Variants in GALNTL6 observed in about 807,000 individuals in gnomAD.
The protein encoded by GALNTL6 is polypeptide N-acetylgalactosaminyltransferase like 6.
Under a neutral mutation model 73.7 loss-of-function variants are expected in GALNTL6, and 46 were observed. The observed-to-expected ratio is 0.62, with a 90% CI of 0.49 to 0.80. The LOEUF (loss-of-function observed/expected upper bound fraction) is 0.80, where lower values mean the gene tolerates loss of function less well. Among genes scored for constraint, GALNTL6 ranks in the 30% least tolerant of loss-of-function variants. The pLI, the probability that GALNTL6 is intolerant of heterozygous loss-of-function variation, is 0.00. For missense variants in GALNTL6, 604 were observed against 755.0 expected (o/e 0.80, Z 2.34); for synonymous variants, 259 against 263.7 (o/e 0.98, Z 0.17).
intron 5 of GALNTL6, among the ~76,000 whole-genome samples, chr4:172,618,310 A>G (rs1275689232): frequency 6.6e-6 from 1 of 152,126 alleles, no homozygotes; most frequent in African/African-American, 2.4e-5. Context: ...CTGCCATAAT[A>G]TGATAGGTAA....
intron 11 of GALNTL6, among the ~76,000 whole-genome samples, chr4:173,020,967 G>A (rs1351542798): frequency 6.6e-6 from 1 of 152,174 alleles, no homozygotes; most frequent in African/African-American, 2.4e-5. Flanking sequence ...CAGCTACTCG[G>A]GAGGCTGAGG....
intron 11 of GALNTL6, among the ~76,000 whole-genome samples, chr4:173,009,565 C>T (rs1205209333): frequency 2.6e-5 from 4 of 152,186 alleles, no homozygotes; most frequent in East Asian, 3.8e-4. Flanking sequence ...ATGTGGATTG[C>T]GACCCTAGTC....
intron 2 of GALNTL6, among the ~76,000 whole-genome samples, chr4:171,960,688 T>TAAAAAAA (rs201299722): frequency 2.3e-5 from 3 of 129,494 alleles, no homozygotes; most frequent in Admixed American, 8.0e-5. Context: ...TGTCTTTATT[T>TAAAAAAA]AAAAAAAAAA....
At chr4:173,019,439 G>C (rs1447227536) in intron 11 of GALNTL6, among the ~76,000 whole-genome samples, 1 of 152,120 alleles carries the variant, frequency 6.6e-6, no homozygotes, top group Non-Finnish European at 1.5e-5. Flanking sequence ...AAGAGAGGGT[G>C]GTGAGACAGT....
At chr4:172,209,868 T>C (rs1354708546) in intron 2 of GALNTL6, among the ~76,000 whole-genome samples, 1 of 152,034 alleles carries the variant, frequency 6.6e-6, no homozygotes, top group Admixed American at 6.5e-5. Flanking sequence ...CATTAGAATT[T>C]TGAGTAGTAA....
intron 5 of GALNTL6, among the ~76,000 whole-genome samples, chr4:172,795,905 A>G (rs905329658): frequency 6.6e-6 from 1 of 151,664 alleles, no homozygotes; most frequent in Non-Finnish European, 1.5e-5. Context: ...CTAAATCTTA[A>G]ACAATAAGAA....
chr4:172,977,994 C>G (rs1054646573), intron 10 of GALNTL6, among the ~76,000 whole-genome samples: 1 of 152,112 alleles, frequency 6.6e-6, no homozygotes, highest in Admixed American at 6.5e-5. Context: ...CACCCGCCAC[C>G]ACACCCAGCT....
At chr4:172,413,041 C>T (rs1435047775) in intron 5 of GALNTL6, among the ~76,000 whole-genome samples, 3 of 152,096 alleles carry the variant, frequency 2.0e-5, no homozygotes, top group Non-Finnish European at 2.9e-5. Flanking sequence ...TTCAGAAGTT[C>T]CTCCATCCCC....
rs565598052 is a variant in GALNTL6 at position 172,364,436 on chromosome 4, C to CA, written c.553+15756dup. 5.3e-5 allele frequency among the ~76,000 whole-genome samples: 8 copies of CA among 151,072 alleles called. No individual in the cohort carries two copies. In the South Asian group the frequency reaches 6.3e-4, roughly 12 times the overall value. ...CTGTCTCTAAAACAAACAAATTAAA[C>CA]AAAAAAAAATTAGCATCAGAACCTA... On this transcript the variant is annotated intron_variant, in intron 5 of 12. Transcript: ENST00000506823.
intron 7 of GALNTL6, among the ~76,000 whole-genome samples, chr4:172,846,060 T>G (rs1743490613): frequency 6.6e-6 from 1 of 152,268 alleles, no homozygotes; most frequent in African/African-American, 2.4e-5. Context: ...CAATTTGTGA[T>G]ACATTTCTAT....
chr4:172,614,715 G>A (rs543059647), intron 5 of GALNTL6, among the ~76,000 whole-genome samples: 116 of 152,256 alleles, frequency 7.6e-4, no homozygotes, highest in African/African-American at 2.7e-3. Context: ...TGTAACAGCA[G>A]CCCTGCTGAC....
chr4:172,793,879 A>G (rs992936384), intron 5 of GALNTL6, among the ~76,000 whole-genome samples: 6 of 152,202 alleles, frequency 3.9e-5, no homozygotes, highest in African/African-American at 1.4e-4. Flanking sequence ...AAATTAGCCA[A>G]CTTTCACTTA....
intron 5 of GALNTL6, among the ~76,000 whole-genome samples, chr4:172,802,612 A>T (rs965125143): frequency 6.6e-6 from 1 of 152,122 alleles, no homozygotes; most frequent in Non-Finnish European, 1.5e-5. Context: ...CCTGCCCAAC[A>T]TGTTGAAACC....
intron 2 of GALNTL6, among the ~76,000 whole-genome samples, chr4:172,191,425 A>G (rs1735581622): frequency 6.6e-6 from 1 of 152,310 alleles, no homozygotes; most frequent in Non-Finnish European, 1.5e-5. Flanking sequence ...GGATCTATGT[A>G]GAACAAGGTG....
intron 8 of GALNTL6, among the ~76,000 whole-genome samples, chr4:172,883,113 G>T (rs1745546829): frequency 6.6e-6 from 1 of 151,862 alleles, no homozygotes; most frequent in South Asian, 2.1e-4. Flanking sequence ...CATATTTGTG[G>T]GGTACATGTG....
intron 5 of GALNTL6, among the ~76,000 whole-genome samples, chr4:172,487,351 T>TTTCTTTCTTTCTTTCTTTCTTTCC (rs1254242822): frequency 3.6e-4 from 38 of 104,566 alleles, no homozygotes; most frequent in African/African-American, 8.5e-4. Context: ...TCTTTCTTTC[T>TTTCTTTCTTTCTTTCTTTCTTTCC]TTCTTTCCTT....
intron 2 of GALNTL6, among the ~76,000 whole-genome samples, chr4:172,118,634 A>G (rs758257686): frequency 1.3e-5 from 2 of 152,118 alleles, no homozygotes; most frequent in Non-Finnish European, 2.9e-5. Flanking sequence ...CTGGAGGTGG[A>G]AGTTGCAGTG....
At chr4:172,849,454 A>T (rs1299772211) in intron 7 of GALNTL6, among the ~76,000 whole-genome samples, 2 of 152,202 alleles carry the variant, frequency 1.3e-5, no homozygotes, top group Non-Finnish European at 2.9e-5. Context: ...TTGTGGCCCA[A>T]GAGTTCTTAG....
intron 10 of GALNTL6, among the ~76,000 whole-genome samples, chr4:173,006,752 C>G: frequency 6.6e-6 from 1 of 152,156 alleles, no homozygotes; most frequent in East Asian, 1.9e-4. Context: ...AGGCATTTTC[C>G]CTAATTCAGG....
Sources: gnomAD v4.1 joint callset for allele counts (sites outside exome capture counted in the v4.1 genomes callset) on GRCh38, gnomAD v4.1.1 for gene constraint, MANE v1.5 for transcripts, NCBI Gene and HGNC (gene_info 2026-07-23, HGNC 2026-07-21) for gene names.